The following MAK variants were observed in gnomAD, a reference collection of about 807,000 sequenced individuals.
MAK encodes male germ cell associated kinase, also known as serine/threonine-protein kinase MAK.
A neutral mutation model predicts 82.6 loss-of-function variants in MAK; 65 were observed. The ratio of observed to expected loss-of-function variants is 0.79; its 90% confidence interval spans 0.64 to 0.97. MAK has a LOEUF of 0.97. MAK is among the 50% of genes least tolerant of loss of function. The probability of loss-of-function intolerance (pLI) is 0.00; values close to 1 mark genes in which losing one functional copy is unlikely to be tolerated. For synonymous variants in MAK, 250 were observed against 274.2 expected (o/e 0.91, Z 0.87); for missense variants, 703 against 780.2 (o/e 0.90, Z 1.18).
intron 9 of MAK, 50 bp downstream of exon 9, chr6:10,795,948 A>T: frequency 7.0e-6 from 11 of 1,580,108 alleles, no homozygotes; most frequent in African/African-American, 1.3e-5. Context: ...AAAAATCTTA[A>T]TTGCACGAGT....
At position 10,769,991 on chromosome 6, in the gene MAK, C is replaced by T. The variant is rs534051592; in HGVS notation, c.1792+120G>A. The T allele has an allele frequency of 2.5e-5, 40 of 1,570,140 alleles. No individual in the cohort carries two copies. In the East Asian group the frequency reaches 3.6e-4, roughly 14 times the overall value. On this transcript the variant is annotated intron_variant, in intron 14 of 14. Transcript: ENST00000354489. ...ATTTCGGTAAAAACAAAAAGAAATGCGTTAATGAGGTGAGGCTGACTAAAA... is the reference window on the plus strand; with the variant it reads ...ATTTCGGTAAAAACAAAAAGAAATGTGTTAATGAGGTGAGGCTGACTAAAA...
chr6:10,794,856 G>A (rs1775382341), intron 9 of MAK, among the ~76,000 whole-genome samples: 1 of 152,070 alleles, frequency 6.6e-6, no homozygotes, highest in Admixed American at 6.6e-5. Context: ...GCTGGGCATG[G>A]TGGCACATGC....
intron 10 of MAK, among the ~76,000 whole-genome samples, chr6:10,790,359 G>A (rs1351561659): frequency 1.3e-5 from 2 of 152,018 alleles, no homozygotes; most frequent in African/African-American, 4.8e-5. Context: ...ACTTGTATAA[G>A]TTTTCCTGAC....
intron 12 of MAK, 152 bp downstream of exon 12, chr6:10,775,176 G>A (rs1773356055): frequency 1.2e-6 from 1 of 824,510 alleles, no homozygotes; most frequent in Admixed American, 1.8e-5. Context: ...CTCCAGCAGA[G>A]CAGGGCTACC....
chr6:10,768,407 G>A (rs926294741), intron 14 of MAK, among the ~76,000 whole-genome samples: 3 of 151,972 alleles, frequency 2.0e-5, no homozygotes, highest in Admixed American at 1.3e-4. Flanking sequence ...GTGAAACTGC[G>A]TCTCTACTAA....
At chr6:10,777,236 G>A (rs145202364) in intron 11 of MAK, among the ~76,000 whole-genome samples, 2,251 of 151,900 alleles carry the variant, frequency 0.015, 62 homozygotes, top group African/African-American at 0.051. Context: ...GTGAGACCCT[G>A]TCTCTACTAA....
intron 9 of MAK, among the ~76,000 whole-genome samples, chr6:10,792,689 G>A (rs1040830860): frequency 1.3e-5 from 2 of 152,136 alleles, no homozygotes; most frequent in African/African-American, 4.8e-5. Flanking sequence ...AAGAGAGCAT[G>A]GAAAATTTTC....
intron 2 of MAK, among the ~76,000 whole-genome samples, chr6:10,822,042 G>T (rs529802827): frequency 6.6e-6 from 1 of 151,120 alleles, no homozygotes; most frequent in East Asian, 2.0e-4. Flanking sequence ...AGCTACTTGG[G>T]AGGCTGAGGC....
chr6:10,769,054 ATTTTTT>A (rs986024513), intron 14 of MAK, among the ~76,000 whole-genome samples: 1 of 151,928 alleles, frequency 6.6e-6, no homozygotes, highest in East Asian at 1.9e-4. Context: ...TACAAAAAAC[ATTTTTT>A]TTAATTAGCT....
At chr6:10,814,176 T>G (rs1283386381) in intron 4 of MAK, among the ~76,000 whole-genome samples, 1 of 151,708 alleles carries the variant, frequency 6.6e-6, no homozygotes, top group Non-Finnish European at 1.5e-5. Flanking sequence ...GCCATGTTGG[T>G]CAGGCTGGTC....
chr6:10,810,787 G>T (rs1326601615), intron 5 of MAK, among the ~76,000 whole-genome samples: 3 of 152,130 alleles, frequency 2.0e-5, no homozygotes, highest in Admixed American at 1.3e-4. Flanking sequence ...ATTTCACTAT[G>T]TCCAAGAGAC....
At chr6:10,798,799 A>ATTAT (rs59455975) in intron 8 of MAK, among the ~76,000 whole-genome samples, 6,021 of 144,962 alleles carry the variant, frequency 0.042, 178 homozygotes, top group East Asian at 0.12. Context: ...GTTTAGAAAC[A>ATTAT]TTATTTATTT....
At chr6:10,821,495 C>T (rs535936183) in intron 2 of MAK, among the ~76,000 whole-genome samples, 3 of 151,710 alleles carry the variant, frequency 2.0e-5, no homozygotes, top group Admixed American at 2.0e-4. Flanking sequence ...AGGCTGGTCT[C>T]GAATTCCTGA....
chr6:10,834,047 G>A (rs374266732), intron 1 of MAK, among the ~76,000 whole-genome samples: 24 of 151,950 alleles, frequency 1.6e-4, no homozygotes, highest in African/African-American at 5.6e-4. Context: ...GGGTTGTTTT[G>A]TTTTGTACTA....
chr6:10,815,912 GTATATATATATATATA>G (rs3064109), intron 4 of MAK, among the ~76,000 whole-genome samples: 2,953 of 108,356 alleles, frequency 0.027, 165 homozygotes, highest in Middle Eastern at 0.083. Flanking sequence ...GCTTTATACA[GTATATATATATATATA>G]TATATATATA....
At chr6:10,782,476 C>T (rs1306862852) in intron 11 of MAK, among the ~76,000 whole-genome samples, 1 of 152,042 alleles carries the variant, frequency 6.6e-6, no homozygotes, top group Non-Finnish European at 1.5e-5. Context: ...ATACACCCAC[C>T]GTGCCTTCTG....
chr6:10,782,687 C>G (rs1301611429), intron 11 of MAK, among the ~76,000 whole-genome samples: 2 of 151,534 alleles, frequency 1.3e-5, no homozygotes, highest in Admixed American at 6.6e-5. Context: ...AAGCAATTCT[C>G]CTGCCTCAGC....
At chr6:10,777,245 A>G (rs530327565) in intron 11 of MAK, among the ~76,000 whole-genome samples, 268 of 152,028 alleles carry the variant, frequency 1.8e-3, no homozygotes, top group Non-Finnish European at 3.2e-3. Context: ...TGTCTCTACT[A>G]AAAGAATACA....
At chr6:10,770,017 G>C (rs1772850693) in intron 14 of MAK, 94 bp downstream of exon 14, 4 of 1,607,800 alleles carry the variant, frequency 2.5e-6, no homozygotes, top group Non-Finnish European at 3.4e-6. Context: ...CTGACTAAAA[G>C]TCTTCGCTTG....
Sources: gnomAD v4.1 joint callset for allele counts (sites outside exome capture counted in the v4.1 genomes callset) on GRCh38, gnomAD v4.1.1 for gene constraint, MANE v1.5 for transcripts, NCBI Gene and HGNC (gene_info 2026-07-23, HGNC 2026-07-21) for gene names.